Variants in HDAC9 observed in about 807,000 individuals in gnomAD.
The protein encoded by HDAC9 is MEF-2 interacting transcription repressor (MITR) protein.
In HDAC9, 41 loss-of-function variants were observed where a neutral mutation model predicts 139.4. The ratio of observed to expected loss-of-function variants is 0.29; its 90% confidence interval spans 0.23 to 0.38. The LOEUF is 0.38. HDAC9 is among the 10% of genes least tolerant of loss of function. HDAC9 has a pLI of 1.00. For missense variants in HDAC9, 1,147 were observed against 1,297.0 expected (o/e 0.88, Z 1.78); for synonymous variants, 517 against 476.2 (o/e 1.09, Z -1.12).
intron 6 of HDAC9, among the ~76,000 whole-genome samples, chr7:18,618,705 A>G (rs1338385786): frequency 7.0e-6 from 1 of 143,226 alleles, no homozygotes; most frequent in Non-Finnish European, 1.5e-5. Context: ...TATATAAAAG[A>G]TATATCTAGT....
At chr7:18,552,415 A>G (rs1817456147) in intron 2 of HDAC9, among the ~76,000 whole-genome samples, 1 of 152,034 alleles carries the variant, frequency 6.6e-6, no homozygotes, top group South Asian at 2.1e-4. Flanking sequence ...GCTTTACAGT[A>G]CCCACAAATT....
intron 1 of HDAC9, among the ~76,000 whole-genome samples, chr7:18,111,813 A>G (rs1021111638): frequency 1.3e-5 from 2 of 152,234 alleles, no homozygotes; most frequent in African/African-American, 2.4e-5. Context: ...GAGGTCACAT[A>G]AAGTAAATGT....
At chr7:18,857,794 G>C (rs187861488) in intron 21 of HDAC9, among the ~76,000 whole-genome samples, 76 of 152,182 alleles carry the variant, frequency 5.0e-4, no homozygotes, top group African/African-American at 1.8e-3. Context: ...AAAAATCTAT[G>C]AAAAGACAAA....
intron 22 of HDAC9, among the ~76,000 whole-genome samples, chr7:18,893,248 A>C (rs1000165585): frequency 5.9e-5 from 9 of 152,200 alleles, no homozygotes; most frequent in Admixed American, 3.3e-4. Flanking sequence ...CAAGTTACTC[A>C]GGGTCACAAC....
intron 16 of HDAC9, among the ~76,000 whole-genome samples, chr7:18,785,764 A>G (rs1335488115): frequency 6.6e-6 from 1 of 152,074 alleles, no homozygotes; most frequent in African/African-American, 2.4e-5. Flanking sequence ...AAAAATTACT[A>G]TGGGCTAACA....
intron 1 of HDAC9, among the ~76,000 whole-genome samples, chr7:18,316,449 G>T (rs1340189801): frequency 1.3e-5 from 2 of 151,946 alleles, no homozygotes; most frequent in African/African-American, 4.8e-5. Context: ...GTTTTGTGCT[G>T]CATTGTGACA....
At chr7:18,228,790 G>C (rs996289450) in intron 2 of HDAC9, among the ~76,000 whole-genome samples, 1 of 152,132 alleles carries the variant, frequency 6.6e-6, no homozygotes, top group East Asian at 1.9e-4. Flanking sequence ...AAAAAGATAG[G>C]CTGACTAGGG....
At chr7:18,642,147 A>C (rs1785829040) in intron 8 of HDAC9, among the ~76,000 whole-genome samples, 2 of 152,202 alleles carry the variant, frequency 1.3e-5, no homozygotes, top group South Asian at 4.1e-4. Flanking sequence ...TTTGGGAAGA[A>C]CCAACTATAC....
intron 1 of HDAC9, among the ~76,000 whole-genome samples, chr7:18,407,503 C>T (rs750615202): frequency 3.9e-5 from 6 of 152,020 alleles, no homozygotes; most frequent in Non-Finnish European, 7.4e-5. Context: ...ACAGGAAATT[C>T]AAAGTCAATG....
At chr7:18,931,094 A>C (rs1377117122) in intron 22 of HDAC9, among the ~76,000 whole-genome samples, 1 of 152,206 alleles carries the variant, frequency 6.6e-6, no homozygotes, top group African/African-American at 2.4e-5. Context: ...TTTAGGTTAC[A>C]GAAAAAGCGG....
chr7:18,257,015 G>A (rs1419829756), intron 2 of HDAC9, among the ~76,000 whole-genome samples: 1 of 151,952 alleles, frequency 6.6e-6, no homozygotes, highest in African/African-American at 2.4e-5. Flanking sequence ...CTTGAGCCTG[G>A]GAGGTTGAAG....
intron 8 of HDAC9, among the ~76,000 whole-genome samples, chr7:18,634,944 A>G: frequency 6.6e-6 from 1 of 152,152 alleles, no homozygotes; most frequent in East Asian, 1.9e-4. Flanking sequence ...TAAGAAATGA[A>G]CTGATATTTA....
At chr7:18,373,287 A>T (rs1176608818) in intron 1 of HDAC9, among the ~76,000 whole-genome samples, 1 of 152,046 alleles carries the variant, frequency 6.6e-6, no homozygotes, top group African/African-American at 2.4e-5. Flanking sequence ...ATGTTTCTTC[A>T]TTTATTTCAA....
chr7:18,458,889 A>G (rs1040841681), intron 1 of HDAC9: 10 of 1,534,152 alleles, frequency 6.5e-6, no homozygotes, highest in African/African-American at 5.5e-5. Flanking sequence ...TGGCTGCTGT[A>G]GGATCTTCCC....
intron 1 of HDAC9, among the ~76,000 whole-genome samples, chr7:18,413,918 T>G (rs1413110071): frequency 6.6e-6 from 1 of 152,130 alleles, no homozygotes; most frequent in African/African-American, 2.4e-5. Flanking sequence ...TTTGGGACTT[T>G]TCCTTGAATA....
intron 1 of HDAC9, among the ~76,000 whole-genome samples, chr7:18,398,442 C>T (rs1334748036): frequency 6.6e-6 from 1 of 152,130 alleles, no homozygotes; most frequent in East Asian, 1.9e-4. Flanking sequence ...AAGTAAAGCA[C>T]TGCCTTAGAG....
intron 1 of HDAC9, among the ~76,000 whole-genome samples, chr7:18,428,880 C>T (rs1018098604): frequency 2.0e-5 from 3 of 152,206 alleles, no homozygotes; most frequent in Non-Finnish European, 4.4e-5. Flanking sequence ...GCTGAGCACA[C>T]ACCACATTGG....
chr7:18,441,279 C>T (rs1046523475), intron 1 of HDAC9, among the ~76,000 whole-genome samples: 3 of 152,120 alleles, frequency 2.0e-5, no homozygotes, highest in Non-Finnish European at 2.9e-5. Flanking sequence ...TATTCCATTG[C>T]TTCACCCACA....
intron 1 of HDAC9, among the ~76,000 whole-genome samples, chr7:18,481,633 G>T (rs976769944): frequency 6.6e-6 from 1 of 152,140 alleles, no homozygotes. Flanking sequence ...TTTCATTCTA[G>T]GCTTTGAAAA....
Sources: allele counts gnomAD v4.1 joint callset (sites outside exome capture counted in the v4.1 genomes callset), GRCh38; gene constraint gnomAD v4.1.1; transcripts MANE v1.5; gene names NCBI Gene and HGNC (gene_info 2026-07-23, HGNC 2026-07-21).